Variants in NOD2 observed in about 807,000 individuals in gnomAD.
NOD2 encodes the protein nucleotide-binding oligomerization domain-containing protein 2.
Under a neutral mutation model 90.9 loss-of-function variants are expected in NOD2, and 86 were observed. That is an observed-to-expected ratio of 0.95 (90% CI 0.79 to 1.13). The LOEUF (loss-of-function observed/expected upper bound fraction) is 1.13. Ranked by LOEUF, NOD2 falls within the 50% of genes most tolerant of loss-of-function variation. NOD2 has a pLI of 0.00. For missense variants in NOD2, 1,238 were observed against 1,283.8 expected, an observed-to-expected ratio of 0.96 and a Z score of 0.55; for synonymous variants, 581 against 554.6, an observed-to-expected ratio of 1.05 and a Z score of -0.67.
chr16:50,714,823 G>A (rs1357580311), intron 4 of NOD2, among the ~76,000 whole-genome samples: 1 of 151,960 alleles, frequency 6.6e-6, no homozygotes, highest in African/African-American at 2.4e-5. Context: ...TTTAGACTCT[G>A]GCTCTCTCAG....
chr16:50,725,841 G>A (rs915185271), intron 10 of NOD2, among the ~76,000 whole-genome samples: 10 of 152,190 alleles, frequency 6.6e-5, no homozygotes, highest in Non-Finnish European at 8.8e-5. Context: ...TTATCAATGA[G>A]GGAAATTGGA....
intron 6 of NOD2, 118 bp from the exon 7 acceptor site, chr16:50,719,807 C>G (rs775970399): frequency 1.5e-5 from 13 of 888,716 alleles, no homozygotes; most frequent in Non-Finnish European, 3.8e-6. Flanking sequence ...GATGTGGCTG[C>G]TGCCTCCCGG....
intron 10 of NOD2, among the ~76,000 whole-genome samples, 189 bp from the exon 11 acceptor site, chr16:50,729,629 G>A (rs1442848593): frequency 3.9e-5 from 6 of 152,150 alleles, no homozygotes; most frequent in South Asian, 4.1e-4. Context: ...GAAGAGAGAC[G>A]GTTACATTTC....
At chr16:50,722,599 G>A in intron 7 of NOD2, 23 bp from the exon 8 acceptor site, 1 of 1,610,484 alleles carries the variant, frequency 6.2e-7, no homozygotes, top group Non-Finnish European at 8.5e-7. Context: ...GACACTGTCT[G>A]TTGACTCTTT....
At chr16:50,722,494 C>T in intron 7 of NOD2, 128 bp from the exon 8 acceptor site, 2 of 916,872 alleles carry the variant, frequency 2.2e-6, no homozygotes, top group Admixed American at 3.4e-5. Context: ...CCCAGTGAGG[C>T]CACTCTGGGA....
intron 2 of NOD2, among the ~76,000 whole-genome samples, chr16:50,701,646 C>G (rs1269349945): frequency 6.6e-6 from 1 of 152,102 alleles, no homozygotes. Flanking sequence ...AAAAGTTCAG[C>G]AATGTGATGT....
Position 50,711,189 on chromosome 16 carries a change from T to C in NOD2, c.1197T>C (p.Arg399=). ...ATGCCCGCAAGGTGGTGACCAGCCG[T>C]CCGGCCGCTGTGTCGGCGTTCCTCA... ...LKNARKVVTS[R]PAAVSAFLRK... is the part of the protein sequence containing the mutation. The change falls in exon 4 of 12, where the codon CGT becomes CGC. Residue 399 remains arginine, a synonymous_variant. Transcript: ENST00000647318. 2 of 1,614,048 alleles carry C rather than the reference T, an allele frequency of 1.2e-6. No individual in the cohort carries two copies. Among genetic ancestry groups the C allele is most frequent in the Non-Finnish European group, 1.7e-6 (2 of 1,180,028 alleles).
chr16:50,696,648 A>G (rs1323881750), intron 1 of NOD2, among the ~76,000 whole-genome samples: 1 of 152,210 alleles, frequency 6.6e-6, no homozygotes. Context: ...GTTAGTGAGA[A>G]CAGCACTAAG....
At chr16:50,718,893 T>C (rs1447716836) in intron 6 of NOD2, among the ~76,000 whole-genome samples, 3 of 152,160 alleles carry the variant, frequency 2.0e-5, no homozygotes, top group Admixed American at 6.5e-5. Context: ...CACCCATTTA[T>C]TGGGGAAAAG....
At position 50,712,296 on chromosome 16, in the gene NOD2, G is replaced by A; in HGVS notation, c.2304G>A (p.Leu768=). Reference sequence around the variant, plus strand: ...AGCACCTCCGGCGGCCCGTGGCCCTGCAGCTGGACTACAACTCTGTGGGTG... The same window carrying A: ...AGCACCTCCGGCGGCCCGTGGCCCTACAGCTGGACTACAACTCTGTGGGTG... ...VLQHLRRPVA[L]QLDYNSVGDI... is the part of the protein sequence containing the mutation. The change falls in exon 4 of 12, where the codon CTG becomes CTA. Residue 768 remains leucine (L), a synonymous_variant. Coordinates refer to ENST00000647318, the MANE Select transcript of NOD2 (RefSeq NM_001370466.1). 1 of 1,614,052 alleles carries A rather than the reference G, an allele frequency of 6.2e-7. No individual in the cohort carries two copies. The highest frequency in any genetic ancestry group is 1.3e-5 in the African/African-American group (1 of 75,074).
chr16:50,699,850 CACAGCCAT>C lies in NOD2; in HGVS notation c.356_363del (p.His119ArgfsTer18). On this transcript the variant is annotated frameshift_variant, in exon 2 of 12. Transcript: ENST00000647318. LOFTEE classifies it high-confidence loss of function. ...CCGGCCAGCCATTGTCAGGAGGCTCCACAGCCATGTGGAGAACATGCTGGACCTGGCAT... is the reference window on the plus strand; with the variant it reads ...CCGGCCAGCCATTGTCAGGAGGCTCCGTGGAGAACATGCTGGACCTGGCAT... The C allele has an allele frequency of 6.2e-7, 1 of 1,613,590 alleles. No homozygotes were observed. Among genetic ancestry groups the C allele is most frequent in the Non-Finnish European group, 8.5e-7 (1 of 1,179,996 alleles).
At position 50,699,777 on chromosome 16, in the gene NOD2, C is replaced by T. The variant is rs1468134975; in HGVS notation, c.282C>T (p.Gly94=). The T allele has an allele frequency of 6.2e-7, 1 of 1,613,908 alleles. No homozygotes were observed. Among genetic ancestry groups the T allele is most frequent in the East Asian group, 2.2e-5 (1 of 44,882 alleles). The part of the protein sequence containing the change: ...QADSQSPKLH[G]CWDPHSLHPA... ...ACAGCCAGTCCCCCAAGCTGCATGG[C>T]TGCTGGGACCCCCACTCGCTCCACC... The change falls in exon 2 of 12, where the codon GGC becomes GGT. Residue 94 remains glycine (G), a synonymous_variant. Transcript: ENST00000647318.
At chr16:50,725,387 T>A in intron 9 of NOD2, 102 bp from the exon 10 acceptor site, 1 of 838,958 alleles carries the variant, frequency 1.2e-6, no homozygotes, top group South Asian at 1.4e-5. Flanking sequence ...TCCATGAGTT[T>A]GGGTTTTCAG....
chr16:50,708,951 A>C (rs1210553225), intron 3 of NOD2, among the ~76,000 whole-genome samples: 1 of 152,246 alleles, frequency 6.6e-6, no homozygotes, highest in African/African-American at 2.4e-5. Context: ...TGTTGACATC[A>C]TCAAGCACAG....
chr16:50,714,460 A>T (rs1190424019), intron 4 of NOD2, among the ~76,000 whole-genome samples: 1 of 152,058 alleles, frequency 6.6e-6, no homozygotes, highest in Non-Finnish European at 1.5e-5. Flanking sequence ...CCCTGGGAGA[A>T]CTACTGGTCT....
At chr16:50,707,732 G>GT (rs930689026) in intron 2 of NOD2, 123 bp from the exon 3 acceptor site, 32 of 777,956 alleles carry the variant, frequency 4.1e-5, no homozygotes, top group Middle Eastern at 2.2e-4. Context: ...TTGTTCGGTT[G>GT]TTTTTTTGAC....
intron 6 of NOD2, among the ~76,000 whole-genome samples, chr16:50,718,080 T>G (rs1964879343): frequency 1.3e-5 from 2 of 152,214 alleles, no homozygotes; most frequent in Admixed American, 6.5e-5. Flanking sequence ...TAACACTATG[T>G]GAATGTGGAC....
rs199826939 is a variant in NOD2 at position 50,705,288 on chromosome 16, C to CTTTG, written c.460-2554_460-2551dup. Among the ~76,000 whole-genome samples the CTTTG allele has an allele frequency of 2.0e-5, 3 of 152,166 alleles. No homozygotes were observed. The East Asian group carries it at 5.8e-4, about 29-fold the overall frequency. ...TTAAGGATCATAAGATAGGTGGGTT[C>CTTTG]TTTGTTTGTTTGTTTGACTGTTTTT... is the stretch of plus-strand genomic sequence containing the variant. On this transcript the variant is annotated intron_variant, in intron 2 of 11. Coordinates refer to ENST00000647318, the MANE Select transcript of NOD2 (RefSeq NM_001370466.1).
intron 1 of NOD2, chr16:50,697,222 TC>T: frequency 6.4e-7 from 1 of 1,551,174 alleles, no homozygotes; most frequent in South Asian, 1.2e-5. Flanking sequence ...CCATGCCTGC[TC>T]CCCCAGCCTA....
Sources: allele counts gnomAD v4.1 joint callset (sites outside exome capture counted in the v4.1 genomes callset), GRCh38; gene constraint gnomAD v4.1.1; transcripts MANE v1.5; gene names NCBI Gene and HGNC (gene_info 2026-07-23, HGNC 2026-07-21).